Variants in MAPRE2 observed in about 807,000 individuals in gnomAD.
MAPRE2 encodes the protein microtubule associated protein RP/EB family member 2.
Under a neutral mutation model 43.2 loss-of-function variants are expected in MAPRE2, and 13 were observed. That is an observed-to-expected ratio of 0.30 (90% CI 0.20 to 0.48). The LOEUF (loss-of-function observed/expected upper bound fraction) is 0.48, where lower values mean the gene tolerates loss of function less well. Among genes scored for constraint, MAPRE2 ranks in the 20% least tolerant of loss-of-function variants. The pLI is 0.99. For synonymous variants in MAPRE2, 135 were observed against 148.8 expected (o/e 0.91, Z 0.68); for missense variants, 161 against 400.2 (o/e 0.40, Z 5.10).
intron 2 of MAPRE2, among the ~76,000 whole-genome samples, chr18:35,032,157 C>T (rs1307543840): frequency 1.3e-5 from 2 of 152,124 alleles, no homozygotes; most frequent in South Asian, 2.1e-4. Context: ...TGGAAAATAT[C>T]TTAAAATATA....
intron 1 of MAPRE2, among the ~76,000 whole-genome samples, chr18:35,069,562 G>C (rs1474085470): frequency 6.6e-6 from 1 of 152,062 alleles, no homozygotes; most frequent in Admixed American, 6.5e-5. Context: ...TTGAATCCAA[G>C]GGGTAAACCT....
intron 1 of MAPRE2, among the ~76,000 whole-genome samples, chr18:35,050,963 G>A (rs1047635154): frequency 1.1e-4 from 17 of 152,112 alleles, no homozygotes; most frequent in African/African-American, 4.1e-4. Context: ...CTCAGTATAG[G>A]GACCTGCTCA....
intron 1 of MAPRE2, among the ~76,000 whole-genome samples, chr18:34,997,613 C>T (rs986136527): frequency 4.6e-5 from 7 of 152,068 alleles, no homozygotes; most frequent in African/African-American, 1.2e-4. Context: ...GTAAAGAGTT[C>T]GAGACTAGCC....
At chr18:34,994,379 T>G (rs993069011) in intron 1 of MAPRE2, among the ~76,000 whole-genome samples, 1 of 150,702 alleles carries the variant, frequency 6.6e-6, no homozygotes, top group Non-Finnish European at 1.5e-5. Flanking sequence ...AATAGTTTTG[T>G]TTTTTGGCTT....
intron 5 of MAPRE2, among the ~76,000 whole-genome samples, chr18:35,129,103 T>A: frequency 6.6e-6 from 1 of 152,222 alleles, no homozygotes; most frequent in Non-Finnish European, 1.5e-5. Flanking sequence ...CCCAAAGGCC[T>A]GCCTCCCCAT....
chr18:34,991,118 C>A (rs1465715727), intron 1 of MAPRE2, among the ~76,000 whole-genome samples: 5 of 152,134 alleles, frequency 3.3e-5, no homozygotes, highest in African/African-American at 1.2e-4. Flanking sequence ...ACACATCACC[C>A]TGGTAATGAG....
chr18:35,111,829 A>G (rs576471079), intron 4 of MAPRE2, among the ~76,000 whole-genome samples: 8 of 152,340 alleles, frequency 5.3e-5, no homozygotes, highest in South Asian at 2.1e-4. Flanking sequence ...AGGTCAGTCT[A>G]TGATGGCATT....
rs1010435974 is a variant in MAPRE2 at position 35,135,449 on chromosome 18, A to G, written c.909+3259A>G. On this transcript the variant is annotated intron_variant, in intron 6 of 6. Transcript: ENST00000300249. ...TCATCCTAGATATCTTAAAGCCTCC[A>G]AGCATTTTCATTTCTTCCTGAGAAT... 6.6e-5 allele frequency among the ~76,000 whole-genome samples: 10 copies of G among 152,184 alleles called. No homozygotes were observed. In the East Asian group the frequency reaches 1.9e-3, roughly 29 times the overall value.
At chr18:35,037,243 T>C (rs993006935), upstream of MAPRE2, among the ~76,000 whole-genome samples, 2 of 152,148 alleles carry the variant, frequency 1.3e-5, no homozygotes, top group Admixed American at 6.5e-5. Flanking sequence ...TTTTAGGATA[T>C]GCCTAACATG....
At chr18:34,984,799 TATA>T (rs1199536006) in intron 1 of MAPRE2, among the ~76,000 whole-genome samples, 5 of 40,162 alleles carry the variant, frequency 1.2e-4, no homozygotes, top group Admixed American at 3.9e-4. Context: ...TTATATATTA[TATA>T]ATTATATAAT....
intron 2 of MAPRE2, among the ~76,000 whole-genome samples, chr18:35,087,019 T>G (rs1907912103): frequency 6.6e-6 from 1 of 152,188 alleles, no homozygotes; most frequent in Admixed American, 6.6e-5. Flanking sequence ...TCCTGGGATC[T>G]GGTGAAAATG....
At chr18:35,088,777 A>G (rs1030503437) in intron 2 of MAPRE2, among the ~76,000 whole-genome samples, 7 of 152,218 alleles carry the variant, frequency 4.6e-5, no homozygotes, top group African/African-American at 1.4e-4. Context: ...GAGGTGGTCA[A>G]TAAGGCCAAA....
chr18:35,023,467 G>A (rs1289925771), intron 2 of MAPRE2, among the ~76,000 whole-genome samples: 1 of 151,642 alleles, frequency 6.6e-6, no homozygotes, highest in East Asian at 1.9e-4. Flanking sequence ...AGCAGAGATT[G>A]CGCCACTGCA....
At chr18:35,128,651 A>G (rs888522490) in intron 5 of MAPRE2, among the ~76,000 whole-genome samples, 1 of 152,214 alleles carries the variant, frequency 6.6e-6, no homozygotes, top group African/African-American at 2.4e-5. Flanking sequence ...TTCAGCATCC[A>G]TGGGTTTTCA....
At chr18:34,993,957 C>T (rs1271663644) in intron 1 of MAPRE2, among the ~76,000 whole-genome samples, 1 of 150,616 alleles carries the variant, frequency 6.6e-6, no homozygotes, top group Non-Finnish European at 1.5e-5. Flanking sequence ...TCATTTAATG[C>T]CATTTTATAG....
intron 1 of MAPRE2, among the ~76,000 whole-genome samples, chr18:34,996,140 C>T (rs971293713): frequency 6.6e-5 from 10 of 152,116 alleles, no homozygotes; most frequent in Non-Finnish European, 1.5e-4. Context: ...GGAATTTTTC[C>T]ACCCCTGCTG....
intron 4 of MAPRE2, among the ~76,000 whole-genome samples, chr18:35,109,868 G>A (rs1474394862): frequency 2.0e-5 from 3 of 151,994 alleles, no homozygotes; most frequent in African/African-American, 7.2e-5. Flanking sequence ...ATTATCATTT[G>A]TTTTCTGTTT....
intron 1 of MAPRE2, among the ~76,000 whole-genome samples, chr18:34,978,726 T>C (rs1430063614): frequency 6.6e-6 from 1 of 152,190 alleles, no homozygotes; most frequent in African/African-American, 2.4e-5. Context: ...AGGGGTAAGA[T>C]AAGAGGTCCG....
At chr18:35,030,884 T>C (rs939823431) in intron 2 of MAPRE2, among the ~76,000 whole-genome samples, 4 of 152,198 alleles carry the variant, frequency 2.6e-5, no homozygotes, top group African/African-American at 9.7e-5. Flanking sequence ...TAATGTTTCT[T>C]GAACAAATCA....
Sources: gnomAD v4.1 joint callset for allele counts (sites outside exome capture counted in the v4.1 genomes callset) on GRCh38, gnomAD v4.1.1 for gene constraint, MANE v1.5 for transcripts, NCBI Gene and HGNC (gene_info 2026-07-23, HGNC 2026-07-21) for gene names.